KLHL14: variants seen among roughly 807,000 people sequenced by gnomAD.
The protein encoded by KLHL14 is kelch-like protein 14.
KLHL14 carries 22 observed loss-of-function variants against 64.3 expected under a neutral mutation model. That is an observed-to-expected ratio of 0.34 (90% CI 0.24 to 0.49). The LOEUF (loss-of-function observed/expected upper bound fraction) is 0.49. Among genes scored for constraint, KLHL14 ranks in the 20% least tolerant of loss-of-function variants. The probability of loss-of-function intolerance (pLI) is 0.99; values close to 1 mark genes in which losing one functional copy is unlikely to be tolerated. For missense variants in KLHL14, 661 were observed against 789.0 expected (o/e 0.84, Z 1.94); for synonymous variants, 322 against 333.4 (o/e 0.97, Z 0.37).
At chr18:32,694,827 T>C (rs1334297871) in intron 4 of KLHL14, among the ~76,000 whole-genome samples, 3 of 152,260 alleles carry the variant, frequency 2.0e-5, no homozygotes. Flanking sequence ...AATATCTTGA[T>C]AATTTTGCAT....
chr18:32,677,931 A>T (rs367873798), intron 7 of KLHL14, among the ~76,000 whole-genome samples: 25 of 152,344 alleles, frequency 1.6e-4, no homozygotes, highest in African/African-American at 5.1e-4. Context: ...TAACTCTCTC[A>T]GAATGTTTTA....
Position 32,674,773 on chromosome 18 carries a change from A to T in KLHL14, c.1771T>A (p.Cys591Ser). Residue 591 changes from cysteine to serine, a missense_variant, in exon 9 of 9, where the codon TGC becomes AGC. Cys to Ser is a moderately radical substitution (Grantham distance 112). Around this residue, in one of 2 missense-constraint regions of KLHL14, gnomAD observed 330 missense variants for 450.0 expected, o/e 0.73. Transcript: ENST00000359358. ...SMGAYKSSTICYCPEKGTWTE... is the reference protein window; with the variant it reads ...SMGAYKSSTISYCPEKGTWTE... ...CAGGTTCCTTTCTCTGGACAATAGC[A>T]TATTGTAGATGACTTGTAGGCCCCC... is the stretch of plus-strand genomic sequence containing the variant. The T allele has an allele frequency of 2.6e-6, 2 of 780,880 alleles. No individual in the cohort carries two copies. The highest frequency in any genetic ancestry group is 4.8e-6 in the Non-Finnish European group (2 of 418,014). The allele number at this position is 780,880 out of a possible 1,614,324, so 48.4% of individuals were successfully genotyped here.
At chr18:32,768,746 G>A (rs112287199) in intron 2 of KLHL14, among the ~76,000 whole-genome samples, 1 of 152,136 alleles carries the variant, frequency 6.6e-6, no homozygotes, top group South Asian at 2.1e-4. Context: ...TTTTTAAAAG[G>A]CATCATTTCT....
rs554263470 is a variant in KLHL14 at position 32,683,564 on chromosome 18, G to T, written c.1239-2965C>A. 4.6e-5 allele frequency among the ~76,000 whole-genome samples: 7 copies of T among 152,250 alleles called. No homozygotes were observed. The East Asian group carries it at 1.2e-3, about 25-fold the overall frequency. Reference sequence around the variant, plus strand: ...TATTTTGGGGGGAAAGTAAGTTCAAGATTATTAAAGATTTCTTATTGGGAT... The same window carrying T: ...TATTTTGGGGGGAAAGTAAGTTCAATATTATTAAAGATTTCTTATTGGGAT... On this transcript the variant is annotated intron_variant, in intron 5 of 8. Transcript: ENST00000359358. This position sits in a 1 kb window ranked among gnomAD's most constrained non-coding sequence, Gnocchi z 4.2.
chr18:32,721,372 A>G (rs2050079202), intron 3 of KLHL14, among the ~76,000 whole-genome samples: 1 of 152,232 alleles, frequency 6.6e-6, no homozygotes. Flanking sequence ...CACTTGTCAC[A>G]AGAATGTGTA....
In KLHL14 at chr18:32,770,644, AG is replaced by A; in HGVS notation, c.-43-11del. Reference sequence around the variant, plus strand: ...TAAACCCTCCTCCAACCTGGCAGACAGGGGTGGGGGATGGGAGGGAGGGGAG... The same window carrying A: ...TAAACCCTCCTCCAACCTGGCAGACAGGGTGGGGGATGGGAGGGAGGGGAG... On this transcript the variant is annotated splice_polypyrimidine_tract_variant and intron_variant, in intron 1 of 8. Transcript: ENST00000359358. This position sits in a 1 kb window ranked among gnomAD's most constrained non-coding sequence, Gnocchi z 6.7. 1 of 401,104 alleles carries A rather than the reference AG, an allele frequency of 2.5e-6. No homozygotes were observed. The highest frequency in any genetic ancestry group is 3.8e-6 in the Non-Finnish European group (1 of 260,180). The allele number at this position is 401,104 out of a possible 1,614,324, so 24.8% of individuals were successfully genotyped here. A position where few individuals can be genotyped will look rare whatever the true frequency, so the allele number is the denominator to read the frequency against.
At chr18:32,682,089 T>A (rs2049842276) in intron 5 of KLHL14, among the ~76,000 whole-genome samples, 1 of 152,214 alleles carries the variant, frequency 6.6e-6, no homozygotes, top group East Asian at 1.9e-4. Context: ...TTTTAAAAAT[T>A]GACCATGAAG....
chr18:32,759,697 T>TTCTCTC (rs140880053), intron 2 of KLHL14, among the ~76,000 whole-genome samples: 11,416 of 148,412 alleles, frequency 0.077, 605 homozygotes, highest in African/African-American at 0.15. Flanking sequence ...CATTATAACC[T>TTCTCTC]TCTCTCTCTC....
chr18:32,711,144 G>A (rs2050017175), intron 3 of KLHL14, among the ~76,000 whole-genome samples: 1 of 151,944 alleles, frequency 6.6e-6, no homozygotes. Context: ...ACAAAAGAAA[G>A]GTCTTTAAGG....
At chr18:32,690,220 C>T (rs2049900682) in intron 4 of KLHL14, among the ~76,000 whole-genome samples, 1 of 152,082 alleles carries the variant, frequency 6.6e-6, no homozygotes, top group African/African-American at 2.4e-5. Context: ...GGTGGCATTA[C>T]CGGCAAAACA....
chr18:32,718,822 A>G (rs886142612), intron 3 of KLHL14, among the ~76,000 whole-genome samples: 2 of 152,236 alleles, frequency 1.3e-5, no homozygotes, highest in Admixed American at 1.3e-4. Context: ...GTGTATCTTT[A>G]AAGTGTATAG....
At chr18:32,682,970 G>C (rs1411520640) in intron 5 of KLHL14, among the ~76,000 whole-genome samples, 1 of 152,126 alleles carries the variant, frequency 6.6e-6, no homozygotes, top group African/African-American at 2.4e-5. Context: ...AGCTGGTAAT[G>C]GTGAGTTCTG....
intron 3 of KLHL14, among the ~76,000 whole-genome samples, chr18:32,716,041 T>C (rs1218951598): frequency 6.6e-6 from 1 of 152,196 alleles, no homozygotes; most frequent in African/African-American, 2.4e-5. Context: ...AATTTTATGT[T>C]CTCATTCTTT....
chr18:32,686,271 CA>C (rs1254895356), intron 5 of KLHL14, among the ~76,000 whole-genome samples: 1 of 150,476 alleles, frequency 6.6e-6, no homozygotes, highest in Non-Finnish European at 1.5e-5. Flanking sequence ...CTTCGTGATC[CA>C]CCCACCTCGG....
intron 4 of KLHL14, 49 bp from the exon 5 acceptor site, chr18:32,687,282 T>C: frequency 1.4e-6 from 2 of 1,423,222 alleles, no homozygotes; most frequent in Non-Finnish European, 2.0e-6. Context: ...TTTTGTTGAT[T>C]TGCACATGTA....
At chr18:32,763,851 G>C (rs147213173) in intron 2 of KLHL14, among the ~76,000 whole-genome samples, 1 of 152,320 alleles carries the variant, frequency 6.6e-6, no homozygotes, top group East Asian at 1.9e-4. Flanking sequence ...ACTGAGTTAA[G>C]TGCTTTGGTT....
Position 32,695,563 on chromosome 18 carries a change from G to GAA in KLHL14, c.1070-13_1070-12dup, listed in dbSNP as rs371920534. 5.8e-4 allele frequency: 703 copies of GAA among 1,204,748 alleles called. No homozygotes were observed. The highest frequency in any genetic ancestry group is 6.9e-4 in the Non-Finnish European group (605 of 882,034). 74.6% of individuals were successfully genotyped at this position (1,204,748 alleles called of 1,614,324 possible). A position where few individuals can be genotyped will look rare whatever the true frequency, so the allele number is the denominator to read the frequency against. On this transcript the variant is annotated splice_polypyrimidine_tract_variant and intron_variant, in intron 3 of 8. Transcript: ENST00000359358. The stretch of plus-strand genomic sequence containing the variant: ...TGTTGTATGGCATAACTGAAATTAA[G>GAA]AAAAAAAAAAAAGACATATGAAATT...
At chr18:32,759,922 T>C (rs2050305160) in intron 2 of KLHL14, among the ~76,000 whole-genome samples, 2 of 152,126 alleles carry the variant, frequency 1.3e-5, no homozygotes, top group African/African-American at 4.8e-5. Flanking sequence ...TTAATGCATA[T>C]GAAATAGAAA....
intron 2 of KLHL14, among the ~76,000 whole-genome samples, chr18:32,769,091 G>A (rs1274873668): frequency 6.6e-6 from 1 of 152,210 alleles, no homozygotes; most frequent in Admixed American, 6.5e-5. Context: ...GCATTTTGGA[G>A]TTCTGACATC....
Sources: gnomAD v4.1 joint callset for allele counts (sites outside exome capture counted in the v4.1 genomes callset) on GRCh38, gnomAD v4.1.1 for gene constraint, gnomAD v4.1.1 regional missense constraint, Gnocchi (gnomAD v3.1) non-coding constraint, MANE v1.5 for transcripts, NCBI Gene and HGNC (gene_info 2026-07-23, HGNC 2026-07-21) for gene names.